LGSN: variants seen among roughly 807,000 people sequenced by gnomAD.
The protein encoded by LGSN is lengsin, lens protein with glutamine synthetase domain.
A neutral mutation model predicts 19.5 loss-of-function variants in LGSN; 21 were observed. The observed-to-expected ratio is 1.07, with a 90% CI of 0.76 to 1.55. The LOEUF is 1.55. Among genes scored for constraint, LGSN ranks in the 40% most tolerant of loss-of-function variants. The pLI, the probability that LGSN is intolerant of heterozygous loss-of-function variation, is 0.00. For missense variants in LGSN, 673 were observed against 608.5 expected (o/e 1.11, Z -1.12); for synonymous variants, 257 against 215.6 (o/e 1.19, Z -1.68).
chr6:63,422,726 C>G, the LGSN span, among the ~76,000 whole-genome samples: 1 of 151,780 alleles, frequency 6.6e-6, no homozygotes, highest in African/African-American at 2.4e-5. Flanking sequence ...GAAATAAATA[C>G]TATAGATAAT....
chr6:63,281,119 A>G lies in LGSN; in HGVS notation c.432T>C (p.Asn144=), dbSNP rs1452475514. The G allele has an allele frequency of 6.2e-7, 1 of 1,613,930 alleles. No individual in the cohort carries two copies. The highest frequency in any genetic ancestry group is 8.5e-7 in the Non-Finnish European group (1 of 1,179,986). ...EMNNIRATCF[N]SDIVLMPELS... is the part of the protein sequence containing the mutation. Reference sequence around the variant, plus strand: ...ACTCTGGCATTAGGACTATGTCGCTATTAAAACATGTGGCTCTTATGTTAT... The same window carrying G: ...ACTCTGGCATTAGGACTATGTCGCTGTTAAAACATGTGGCTCTTATGTTAT... Residue 144 remains asparagine (N), a synonymous_variant, in exon 4 of 4, where the codon AAT becomes AAC. Coordinates refer to ENST00000370657, the MANE Select transcript of LGSN (RefSeq NM_016571.3).
chr6:63,448,013 A>G, the LGSN span, among the ~76,000 whole-genome samples: 1 of 152,216 alleles, frequency 6.6e-6, no homozygotes, highest in Admixed American at 6.5e-5. Context: ...TCATAGTTCC[A>G]TAAAAGAATG....
rs773751253 is a variant in LGSN at position 63,294,920 on chromosome 6, A to T, written c.156T>A (p.Asn52Lys). ...STEVGETDMS[N>K]SNDCMRDSSQ... ...CTCAGAGTAGTTAGATACCATTTGA[A>T]TTGGACATATCCGTTTCTCCCACTT... Residue 52 changes from asparagine (N) to lysine (K), a missense_variant, in exon 2 of 4, where the codon AAT becomes AAA. Asn to Lys is a moderately conservative substitution (Grantham distance 94). Transcript: ENST00000370657. 1 of 1,613,872 alleles carries T rather than the reference A, an allele frequency of 6.2e-7. No individual in the cohort carries two copies. Among genetic ancestry groups the T allele is most frequent in the Non-Finnish European group, 8.5e-7 (1 of 1,179,876 alleles).
At chr6:63,444,016 G>T in the LGSN span, among the ~76,000 whole-genome samples, 2 of 151,854 alleles carry the variant, frequency 1.3e-5, no homozygotes, top group Non-Finnish European at 2.9e-5. Flanking sequence ...AACAAAAAAT[G>T]CCACTGTCCT....
the LGSN span, among the ~76,000 whole-genome samples, chr6:63,517,143 A>C: frequency 1.3e-5 from 2 of 152,206 alleles, no homozygotes; most frequent in Admixed American, 6.5e-5. Flanking sequence ...GCTTATTATT[A>C]CTATTATATT....
chr6:63,536,618 T>G, the LGSN span, among the ~76,000 whole-genome samples: 1 of 152,188 alleles, frequency 6.6e-6, no homozygotes, highest in African/African-American at 2.4e-5. Flanking sequence ...TTTATAATAT[T>G]TTTCTACTGT....
At chr6:63,366,135 G>T in the LGSN span, among the ~76,000 whole-genome samples, 1 of 152,182 alleles carries the variant, frequency 6.6e-6, no homozygotes. Flanking sequence ...ATAAGGAAAA[G>T]AGGAAGTCAA....
At chr6:63,432,866 G>A in the LGSN span, among the ~76,000 whole-genome samples, 845 of 152,208 alleles carry the variant, frequency 5.6e-3, 5 homozygotes, top group South Asian at 0.024. Flanking sequence ...GAGACCCAAA[G>A]CCATAATGAC....
the LGSN span, among the ~76,000 whole-genome samples, chr6:63,372,822 TAAG>T: frequency 3.3e-5 from 5 of 152,304 alleles, no homozygotes; most frequent in Admixed American, 1.3e-4. Context: ...TTCCTAACAC[TAAG>T]AATATTCATT....
chr6:63,369,865 T>C, the LGSN span, among the ~76,000 whole-genome samples: 1 of 152,018 alleles, frequency 6.6e-6, no homozygotes, highest in South Asian at 2.1e-4. Context: ...TTGCTGGGCG[T>C]GGCACATGCC....
the LGSN span, among the ~76,000 whole-genome samples, chr6:63,514,620 C>A: frequency 2.0e-5 from 3 of 152,316 alleles, no homozygotes; most frequent in South Asian, 6.2e-4. Flanking sequence ...CTAAGCAAAC[C>A]CTCAAATCAT....
the LGSN span, among the ~76,000 whole-genome samples, chr6:63,404,251 T>C: frequency 1.3e-5 from 2 of 152,268 alleles, no homozygotes; most frequent in South Asian, 4.1e-4. Flanking sequence ...AGATAAATTA[T>C]GTACAACTTA....
At chr6:63,450,411 G>T in the LGSN span, among the ~76,000 whole-genome samples, 6 of 149,438 alleles carry the variant, frequency 4.0e-5, no homozygotes, top group Admixed American at 4.0e-4. Flanking sequence ...GCAAGGTGTG[G>T]TGGCAGGCCC....
chr6:63,467,959 T>C, the LGSN span, among the ~76,000 whole-genome samples: 1 of 152,100 alleles, frequency 6.6e-6, no homozygotes, highest in Non-Finnish European at 1.5e-5. Flanking sequence ...CACTAAGTGC[T>C]GAAATTACAG....
chr6:63,375,883 A>G, the LGSN span, among the ~76,000 whole-genome samples: 121 of 152,272 alleles, frequency 7.9e-4, 1 homozygote, highest in Admixed American at 1.6e-3. Context: ...AGCATATACT[A>G]TGTTGTAGGT....
chr6:63,498,945 T>C, the LGSN span, among the ~76,000 whole-genome samples: 1 of 152,124 alleles, frequency 6.6e-6, no homozygotes, highest in African/African-American at 2.4e-5. Flanking sequence ...AATTTATTAA[T>C]GTATTATTAG....
chr6:63,423,794 T>C, the LGSN span, among the ~76,000 whole-genome samples: 2 of 152,032 alleles, frequency 1.3e-5, no homozygotes, highest in Non-Finnish European at 2.9e-5. Context: ...TCCCAACACT[T>C]TGGGGGGCCG....
chr6:63,290,782 T>G (rs1450060320), intron 2 of LGSN, among the ~76,000 whole-genome samples: 1 of 152,226 alleles, frequency 6.6e-6, no homozygotes, highest in East Asian at 1.9e-4. Flanking sequence ...CTATAAACAA[T>G]TTGTAAACAT....
the LGSN span, among the ~76,000 whole-genome samples, chr6:63,535,700 T>G: frequency 1.3e-5 from 2 of 152,180 alleles, no homozygotes; most frequent in African/African-American, 4.8e-5. Context: ...TTTGATGAGT[T>G]AGTCACAAGG....
Sources: gnomAD v4.1 joint callset for allele counts (sites outside exome capture counted in the v4.1 genomes callset) on GRCh38, gnomAD v4.1.1 for gene constraint, MANE v1.5 for transcripts, NCBI Gene and HGNC (gene_info 2026-07-23, HGNC 2026-07-21) for gene names.